Variants in FAM111A observed in about 807,000 individuals in gnomAD.
FAM111A encodes FAM111 trypsin like peptidase A.
In FAM111A, 8 loss-of-function variants were observed where a neutral mutation model predicts 3.3. That is an observed-to-expected ratio of 2.39 (90% CI 1.40 to 4.32). The LOEUF (loss-of-function observed/expected upper bound fraction) is 4.32. Among genes scored for constraint, FAM111A ranks in the 30% most tolerant of loss-of-function variants. The pLI is 0.00. For missense variants in FAM111A, 683 were observed against 727.6 expected, an observed-to-expected ratio of 0.94 and a Z score of 0.71; for synonymous variants, 227 against 243.1, an observed-to-expected ratio of 0.93 and a Z score of 0.62.
chr11:59,143,411 G>A (rs915043523), intron 2 of FAM111A, 86 bp from the exon 3 acceptor site: 6 of 152,188 alleles, frequency 3.9e-5, no homozygotes, highest in African/African-American at 1.4e-4. Flanking sequence ...ACTCCTGCGG[G>A]CTTTTATTGT....
chr11:59,153,869 ATTT>A lies in FAM111A; in HGVS notation c.*380_*382del, dbSNP rs71036504. ...GGCAAACGCCACCACACCCAGCTAA[ATTT>A]TTTTTTTTTTTTTTGTATTTTTAGT... On this transcript the variant is annotated 3_prime_UTR_variant, in exon 6 of 6. Coordinates refer to ENST00000675163, the MANE Select transcript of FAM111A (RefSeq NM_001312909.2). 0.032 allele frequency: 4,610 copies of A among 142,500 alleles called. 197 individuals carry two copies. The highest frequency in any genetic ancestry group is 0.15 in the East Asian group (729 of 4,930). The allele number at this position is 142,500 out of a possible 1,614,324, so 8.8% of individuals were successfully genotyped here. A position where few individuals can be genotyped will look rare whatever the true frequency, so the allele number is the denominator to read the frequency against.
At chr11:59,145,934 G>C (rs768738763) in intron 4 of FAM111A, 78 bp downstream of exon 4, 1 of 151,794 alleles carries the variant, frequency 6.6e-6, no homozygotes, top group Admixed American at 6.6e-5. Context: ...CATACAGGCA[G>C]TGTTTTAAAG....
In FAM111A at chr11:59,153,516, A is replaced by G; in HGVS notation, c.*12A>G. The G allele has an allele frequency of 6.3e-7, 1 of 1,578,858 alleles. No individual in the cohort carries two copies. The highest frequency in any genetic ancestry group is 8.6e-7 in the Non-Finnish European group (1 of 1,162,676). On this transcript the variant is annotated 3_prime_UTR_variant, in exon 6 of 6. Coordinates refer to ENST00000675163, the MANE Select transcript of FAM111A (RefSeq NM_001312909.2). ...ATGAGGACTTGTGAGAATTCAGTCT[A>G]CTGGATTTAAGGGAATGGCTTATGG...
At position 59,151,796 on chromosome 11, in the gene FAM111A, T is replaced by C; in HGVS notation, c.128T>C (p.Met43Thr). 6.2e-7 allele frequency: 1 copy of C among 1,608,624 alleles called. No individual in the cohort carries two copies. The change falls in exon 6 of 6, where the codon ATG (methionine) becomes ACG (threonine). Residue 43 changes from methionine to threonine, a missense_variant. By Grantham distance (81) the Met-to-Thr change is moderately conservative (BLOSUM62 -1). Around this residue, in one of 3 missense-constraint regions of FAM111A, gnomAD observed 557 missense variants for 600.2 expected, o/e 0.93. Transcript: ENST00000675163. ...QNNCSTSLMR[M>T]ESRGDPRATT... ...AATTGCAGTACTTCTCTAATGAGGA[T>C]GGAGTCTAGAGGAGACCCAAGAGCC... is the stretch of plus-strand genomic sequence containing the variant.
intron 5 of FAM111A, chr11:59,149,229 T>C (rs1861341043): frequency 3.1e-6 from 1 of 321,246 alleles, no homozygotes. Context: ...CATGCACGTT[T>C]AGTTCAGGCA....
At chr11:59,146,109 G>A (rs978248204) in intron 4 of FAM111A, among the ~76,000 whole-genome samples, 6 of 142,010 alleles carry the variant, frequency 4.2e-5, no homozygotes, top group Non-Finnish European at 9.2e-5. Context: ...ATGAAGTCTC[G>A]CTCTGTTGCT....
Position 59,153,182 on chromosome 11 carries a change from A to C in FAM111A, c.1514A>C (p.Lys505Thr). The change falls in exon 6 of 6, where the codon AAA (lysine) becomes ACA (threonine). Residue 505 changes from lysine (K) to threonine (T), a missense_variant. Transcript: ENST00000675163. ...KKCQERVQSK[K>T]AESPEYVHMY... ...TGTCAGGAACGTGTTCAGTCTAAAA[A>C]AGCAGAAAGTCCAGAGTATGTCCAT... 6.2e-7 allele frequency: 1 copy of C among 1,614,218 alleles called. No homozygotes were observed. Among genetic ancestry groups the C allele is most frequent in the Non-Finnish European group, 8.5e-7 (1 of 1,180,026 alleles).
In FAM111A at chr11:59,152,427, C is replaced by G. The variant is rs745635458; in HGVS notation, c.759C>G (p.Thr253=). Reference sequence around the variant, plus strand: ...ACAATGACACCATTTTAGAAAGCACCCAGCCAGTTGATGAATTAGAAGGCA... The same window carrying G: ...ACAATGACACCATTTTAGAAAGCACGCAGCCAGTTGATGAATTAGAAGGCA... ...IENNDTILES[T]QPVDELEGRY... The change falls in exon 6 of 6, where the codon ACC becomes ACG. Residue 253 remains threonine (T), a synonymous_variant. Transcript: ENST00000675163. 1.2e-6 allele frequency: 2 copies of G among 1,614,038 alleles called. No individual in the cohort carries two copies. Among genetic ancestry groups the G allele is most frequent in the South Asian group, 1.1e-5 (1 of 91,070 alleles).
intron 3 of FAM111A, chr11:59,144,732 A>G (rs1001252595): frequency 1.3e-5 from 2 of 152,344 alleles, no homozygotes; most frequent in African/African-American, 4.8e-5. Flanking sequence ...AAAGTAACCA[A>G]TTGGTTCGCA....
In FAM111A at chr11:59,143,177, C is replaced by G. The variant is rs75283676; in HGVS notation, c.-433C>G. On this transcript the variant is annotated 5_prime_UTR_variant, in exon 2 of 6. Coordinates refer to ENST00000675163, the MANE Select transcript of FAM111A (RefSeq NM_001312909.2). ...AGTATCTTTCATTCCATTGGCCAGACGCGCCATTCCCCAAGTGAGTTCTGT... is the reference window on the plus strand; with the variant it reads ...AGTATCTTTCATTCCATTGGCCAGAGGCGCCATTCCCCAAGTGAGTTCTGT... The G allele has an allele frequency of 6.6e-6, 1 of 152,250 alleles. No individual in the cohort carries two copies. Among genetic ancestry groups the G allele is most frequent in the African/African-American group, 2.4e-5 (1 of 41,430 alleles). The allele number at this position is 152,250 out of a possible 1,614,324, so 9.4% of individuals were successfully genotyped here.
At position 59,153,232 on chromosome 11, in the gene FAM111A, A is replaced by G. The variant is rs1238941350; in HGVS notation, c.1564A>G (p.Lys522Glu). 7 of 1,614,108 alleles carry G rather than the reference A, an allele frequency of 4.3e-6. No individual in the cohort carries two copies. The East Asian group carries it at 1.1e-4, about 26-fold the overall frequency. Residue 522 changes from lysine to glutamate, a missense_variant, in exon 6 of 6, where the codon AAA becomes GAA. This residue lies in a region of FAM111A where 122 missense variants were observed against 110.9 expected (regional missense o/e 1.10). Coordinates refer to ENST00000675163, the MANE Select transcript of FAM111A (RefSeq NM_001312909.2). ...VHMYTQRSFQKIVHNPDVITY... is the reference protein window; with the variant it reads ...VHMYTQRSFQEIVHNPDVITY... ...TATGTATACTCAAAGAAGTTTCCAG[A>G]AAATAGTTCACAACCCTGATGTGAT...
At chr11:59,146,724 T>G (rs1860961718) in intron 4 of FAM111A, among the ~76,000 whole-genome samples, 1 of 152,178 alleles carries the variant, frequency 6.6e-6, no homozygotes, top group South Asian at 2.1e-4. Context: ...ATAACTTCCA[T>G]TTGACAAGAA....
Position 59,153,316 on chromosome 11 carries a change from G to A in FAM111A, c.1648G>A (p.Gly550Ser), listed in dbSNP as rs777655916. Residue 550 changes from glycine to serine, a missense_variant, in exon 6 of 6, where the codon GGT becomes AGT. Physicochemically the swap from Gly to Ser is moderately conservative, Grantham distance 56. Around this residue, in one of 3 missense-constraint regions of FAM111A, gnomAD observed 122 missense variants for 110.9 expected, o/e 1.10. Coordinates refer to ENST00000675163, the MANE Select transcript of FAM111A (RefSeq NM_001312909.2). Reference sequence around the variant, plus strand: ...CGGCTCCCCTGTGTTTGATTCAAAAGGTTCATTGGTGGCCATGCATGCTGC... The same window carrying A: ...CGGCTCCCCTGTGTTTGATTCAAAAAGTTCATTGGTGGCCATGCATGCTGC... ...ASGSPVFDSK[G>S]SLVAMHAAGF... 5 of 1,614,154 alleles carry A rather than the reference G, an allele frequency of 3.1e-6. No individual in the cohort carries two copies. The highest frequency in any genetic ancestry group is 1.7e-5 in the Admixed American group (1 of 60,022).
In FAM111A at chr11:59,153,402, G is replaced by A. The variant is rs1861974618; in HGVS notation, c.1734G>A (p.Met578Ile). Residue 578 changes from methionine to isoleucine, a missense_variant, in exon 6 of 6, where the codon ATG becomes ATA. By Grantham distance (10) the Met-to-Ile change is conservative. This residue lies in a region of FAM111A where 122 missense variants were observed against 110.9 expected (regional missense o/e 1.10). Transcript: ENST00000675163. ...GTATCATTGAGTTTGGCTCTACCAT[G>A]GAATCCATCCTCCTTGATATTAAGC... ...TRSIIEFGST[M>I]ESILLDIKQR... 1 of 1,614,060 alleles carries A rather than the reference G, an allele frequency of 6.2e-7. No homozygotes were observed. The highest frequency in any genetic ancestry group is 1.1e-5 in the South Asian group (1 of 91,074).
At chr11:59,145,965 C>CTA (rs1422364985) in intron 4 of FAM111A, 109 bp downstream of exon 4, 124 of 146,598 alleles carry the variant, frequency 8.5e-4, no homozygotes, top group Middle Eastern at 3.5e-3. Context: ...TGCTCTCTCT[C>CTA]TCTCTCTATA....
intron 4 of FAM111A, among the ~76,000 whole-genome samples, chr11:59,146,866 A>G (rs992704578): frequency 3.9e-5 from 6 of 152,216 alleles, no homozygotes; most frequent in African/African-American, 1.2e-4. Context: ...GCCTTATAAG[A>G]CATATAAAGG....
chr11:59,149,014 T>C (rs1861304472), intron 5 of FAM111A, 61 bp downstream of exon 5: 3 of 1,241,196 alleles, frequency 2.4e-6, no homozygotes. Context: ...GTGAGATTTG[T>C]TCCAGGACCT....
At position 59,151,680 on chromosome 11, in the gene FAM111A, A is replaced by C. The variant is rs1044472206; in HGVS notation, c.82-70A>C. 4 of 1,179,524 alleles carry C rather than the reference A, an allele frequency of 3.4e-6. No individual in the cohort carries two copies. In the African/African-American group the frequency reaches 6.1e-5, roughly 18 times the overall value. 73.1% of individuals were successfully genotyped at this position (1,179,524 alleles called of 1,614,324 possible). On this transcript the variant is annotated intron_variant, in intron 5 of 5. Coordinates refer to ENST00000675163, the MANE Select transcript of FAM111A (RefSeq NM_001312909.2). The stretch of plus-strand genomic sequence containing the variant: ...TTCTCATAGGAATTTTGTGAATTGC[A>C]TACCTGAAAAGAGAAACAAAAGACT...
chr11:59,152,762 C>T lies in FAM111A; in HGVS notation c.1094C>T (p.Ala365Val), dbSNP rs774253467. Reference sequence around the variant, plus strand: ...GTTGGGTACTTATTCTGGGACAGTGCAACTACGGGTTACGCCACCTGCTTT... The same window carrying T: ...GTTGGGTACTTATTCTGGGACAGTGTAACTACGGGTTACGCCACCTGCTTT... Reference protein sequence around the residue: ...DSVGYLFWDSATTGYATCFVF... With the variant: ...DSVGYLFWDSVTTGYATCFVF... Residue 365 changes from alanine to valine, a missense_variant, in exon 6 of 6, where the codon GCA (alanine) becomes GTA (valine). This residue lies in a region of FAM111A where 557 missense variants were observed against 600.2 expected (regional missense o/e 0.93). Transcript: ENST00000675163. The T allele has an allele frequency of 7.4e-6, 12 of 1,614,186 alleles. No homozygotes were observed. The highest frequency in any genetic ancestry group is 1.0e-5 in the Non-Finnish European group (12 of 1,180,026).
Sources: allele counts gnomAD v4.1 joint callset (sites outside exome capture counted in the v4.1 genomes callset), GRCh38; gene constraint gnomAD v4.1.1; regional missense constraint gnomAD v4.1.1; transcripts MANE v1.5; gene names NCBI Gene and HGNC (gene_info 2026-07-23, HGNC 2026-07-21).